The following ADAMTSL1 variants were observed in gnomAD, a reference collection of about 807,000 sequenced individuals.
ADAMTSL1 encodes the protein ADAMTS-like protein 1.
ADAMTSL1 carries 126 observed loss-of-function variants against 201.8 expected under a neutral mutation model. The observed-to-expected ratio is 0.62, with a 90% confidence interval of 0.54 to 0.72. ADAMTSL1 has a LOEUF of 0.72. Ranked by LOEUF, ADAMTSL1 falls within the 30% of genes least tolerant of loss-of-function variation. The pLI, the probability that ADAMTSL1 is intolerant of heterozygous loss-of-function variation, is 0.00. For synonymous variants in ADAMTSL1, 1,121 were observed against 903.4 expected (o/e 1.24, Z -4.32); for missense variants, 2,679 against 2,277.8 (o/e 1.18, Z -3.59).
chr9:17,972,679 A>C (rs2131432588), intron 1 of ADAMTSL1, among the ~76,000 whole-genome samples: 1 of 151,656 alleles, frequency 6.6e-6, no homozygotes, highest in South Asian at 2.1e-4. Context: ...GTATATACCC[A>C]GTAATGGGAT....
intron 1 of ADAMTSL1, among the ~76,000 whole-genome samples, chr9:17,979,305 ATATTTGT>A (rs1473983958): frequency 6.6e-6 from 1 of 151,738 alleles, no homozygotes; most frequent in Non-Finnish European, 1.5e-5. Context: ...TTTAATGCAC[ATATTTGT>A]TCTTTTGATG....
intron 1 of ADAMTSL1, among the ~76,000 whole-genome samples, chr9:18,085,954 G>C (rs1242737768): frequency 6.6e-6 from 1 of 151,882 alleles, no homozygotes; most frequent in Non-Finnish European, 1.5e-5. Context: ...GGTAAGAAAT[G>C]GTCAGATTAT....
rs371633425 is a variant in ADAMTSL1 at position 18,271,783 on chromosome 9, C to G, written c.207+107802C>G. On this transcript the variant is annotated intron_variant, in intron 2 of 29. Transcript: ENST00000680146. ...TCCACAATGGTTGAACCAGTTTACA[C>G]TCCCACCAACAGTGTAAAAGTGTTC... 8.3e-4 allele frequency among the ~76,000 whole-genome samples: 127 copies of G among 152,266 alleles called. 1 individual carries two copies. The highest frequency in any genetic ancestry group is 1.9e-3 in the African/African-American group (81 of 41,544).
intron 2 of ADAMTSL1, among the ~76,000 whole-genome samples, chr9:18,178,974 C>G (rs977804938): frequency 3.9e-5 from 6 of 152,218 alleles, no homozygotes; most frequent in Admixed American, 2.0e-4. Flanking sequence ...GAGCGCCTCT[C>G]CTCCTCCAAA....
intron 23 of ADAMTSL1, among the ~76,000 whole-genome samples, chr9:18,854,099 T>TA (rs1446681838): frequency 2.0e-5 from 3 of 152,170 alleles, no homozygotes; most frequent in Non-Finnish European, 4.4e-5. Context: ...TTGTGGAAAT[T>TA]AAGTGACTCT....
At chr9:18,188,874 G>A (rs769648700) in intron 2 of ADAMTSL1, among the ~76,000 whole-genome samples, 14 of 152,276 alleles carry the variant, frequency 9.2e-5, no homozygotes, top group African/African-American at 3.1e-4. Context: ...TGTTGGCATC[G>A]TTTTTCATTC....
At chr9:17,960,788 A>G (rs1170545129) in intron 1 of ADAMTSL1, among the ~76,000 whole-genome samples, 3 of 152,176 alleles carry the variant, frequency 2.0e-5, no homozygotes, top group African/African-American at 7.2e-5. Context: ...GATTTCATTT[A>G]CATTTTCCCA....
At position 18,908,718 on chromosome 9, in the gene ADAMTSL1, G is replaced by C. The variant is rs1830448364; in HGVS notation, c.*170G>C. 1 of 579,594 alleles carries C rather than the reference G, an allele frequency of 1.7e-6. No individual in the cohort carries two copies. The highest frequency in any genetic ancestry group is 2.0e-5 in the South Asian group (1 of 48,856). 35.9% of individuals were successfully genotyped at this position (579,594 alleles called of 1,614,324 possible). ...CCTTCAAGCATAAGGACGTCCGCGT[G>C]TTTTCTCTTTCAGTTAGCTGGAGGA... On this transcript the variant is annotated 3_prime_UTR_variant, in exon 29 of 29. Coordinates refer to ENST00000380548, the MANE Select transcript of ADAMTSL1 (RefSeq NM_001040272.6).
Position 18,706,848 on chromosome 9 carries a change from T to C in ADAMTSL1, c.1676T>C (p.Val559Ala), listed in dbSNP as rs757951502. The stretch of plus-strand genomic sequence containing the variant: ...GTGCTCCTGTCTTTCTCTCAGTCCG[T>C]GGCTGACCTGCCTATTGACGAGTGT... The part of the protein sequence containing the change: ...CQVLLSFSQS[V>A]ADLPIDECEG... Residue 559 changes from valine (V) to alanine (A), a missense_variant, in exon 14 of 29, where the codon GTG becomes GCG. Coordinates refer to ENST00000380548, the MANE Select transcript of ADAMTSL1 (RefSeq NM_001040272.6). 7 of 1,613,202 alleles carry C rather than the reference T, an allele frequency of 4.3e-6. No individual in the cohort carries two copies. In the South Asian group the frequency reaches 7.7e-5, roughly 18 times the overall value.
At chr9:17,940,724 A>G (rs1804911227) in intron 1 of ADAMTSL1, among the ~76,000 whole-genome samples, 2 of 140,198 alleles carry the variant, frequency 1.4e-5, no homozygotes, top group Non-Finnish European at 3.1e-5. Context: ...AAAAAAAAAA[A>G]AAAGAAAAAA....
intron 1 of ADAMTSL1, among the ~76,000 whole-genome samples, chr9:18,121,747 A>G (rs1825505436): frequency 6.6e-6 from 1 of 152,176 alleles, no homozygotes; most frequent in Non-Finnish European, 1.5e-5. Context: ...AGAGAAATTA[A>G]AATGATGGTG....
chr9:18,028,393 A>G (rs1253514786), intron 1 of ADAMTSL1, among the ~76,000 whole-genome samples: 1 of 152,120 alleles, frequency 6.6e-6, no homozygotes, highest in Non-Finnish European at 1.5e-5. Context: ...AAGATTTTAT[A>G]TGAAATTCTT....
chr9:18,192,839 T>C (rs1005908055), intron 2 of ADAMTSL1, among the ~76,000 whole-genome samples: 3 of 152,132 alleles, frequency 2.0e-5, no homozygotes, highest in African/African-American at 4.8e-5. Flanking sequence ...TCCTAGTAGG[T>C]TTTATTTATG....
chr9:18,718,819 C>G (rs950108071), intron 14 of ADAMTSL1, among the ~76,000 whole-genome samples: 1 of 152,250 alleles, frequency 6.6e-6, no homozygotes, highest in Non-Finnish European at 1.5e-5. Flanking sequence ...AGCCCACGGT[C>G]ACTTCCTGCC....
chr9:18,326,759 C>T (rs1404577743), intron 2 of ADAMTSL1, among the ~76,000 whole-genome samples: 1 of 152,150 alleles, frequency 6.6e-6, no homozygotes. Flanking sequence ...CTTCATTTTC[C>T]ATATACTTGA....
intron 23 of ADAMTSL1, among the ~76,000 whole-genome samples, chr9:18,886,526 A>AAAAC (rs1202001494): frequency 6.6e-6 from 1 of 150,636 alleles, no homozygotes; most frequent in African/African-American, 2.4e-5. Flanking sequence ...ATAAACAAAC[A>AAAAC]AAACAAATTT....
chr9:18,324,834 A>T (rs1428328726), intron 2 of ADAMTSL1, among the ~76,000 whole-genome samples: 1 of 152,140 alleles, frequency 6.6e-6, no homozygotes, highest in Non-Finnish European at 1.5e-5. Flanking sequence ...TTATGAAAAT[A>T]TAAAAGTAAG....
At chr9:18,132,782 C>T (rs1345100283) in intron 1 of ADAMTSL1, among the ~76,000 whole-genome samples, 1 of 152,146 alleles carries the variant, frequency 6.6e-6, no homozygotes, top group Non-Finnish European at 1.5e-5. Flanking sequence ...AACACACAGT[C>T]CAATTTCCTG....
intron 3 of ADAMTSL1, among the ~76,000 whole-genome samples, chr9:18,540,764 A>G (rs1023907819): frequency 2.0e-5 from 3 of 152,142 alleles, no homozygotes; most frequent in Non-Finnish European, 4.4e-5. Context: ...CAGGTGAAAT[A>G]TATCCAAGGC....
Sources: gnomAD v4.1 joint callset for allele counts (sites outside exome capture counted in the v4.1 genomes callset) on GRCh38, gnomAD v4.1.1 for gene constraint, MANE v1.5 for transcripts, NCBI Gene and HGNC (gene_info 2026-07-23, HGNC 2026-07-21) for gene names.